KIFC3: variants seen among roughly 807,000 people sequenced by gnomAD.
KIFC3 encodes the protein kinesin family member C3.
KIFC3 carries 60 observed loss-of-function variants against 101.8 expected under a neutral mutation model. The ratio of observed to expected loss-of-function variants is 0.59; its 90% CI spans 0.48 to 0.73. The LOEUF is 0.73. Ranked by LOEUF, KIFC3 falls within the 30% of genes least tolerant of loss-of-function variation. KIFC3 has a pLI of 0.00. For synonymous variants in KIFC3, 476 were observed against 482.7 expected (o/e 0.99, Z 0.18); for missense variants, 966 against 1,137.1 (o/e 0.85, Z 2.16).
intron 3 of KIFC3, among the ~76,000 whole-genome samples, chr16:57,790,279 G>T (rs1353166534): frequency 6.8e-6 from 1 of 146,160 alleles, no homozygotes; most frequent in Admixed American, 6.8e-5. Flanking sequence ...ATGGGGTTTT[G>T]CCATGTTTCC....
At chr16:57,801,409 G>T (rs141894801) in intron 1 of KIFC3, among the ~76,000 whole-genome samples, 1 of 152,186 alleles carries the variant, frequency 6.6e-6, no homozygotes. Context: ...GCTCCCTGGT[G>T]CCCCTGTGAA....
At chr16:57,816,311 G>C (rs1204614211) in intron 1 of KIFC3, 2 of 1,205,962 alleles carry the variant, frequency 1.7e-6, no homozygotes, top group African/African-American at 3.1e-5. Flanking sequence ...AAGTGCGGTG[G>C]GATCTGTCTT....
At chr16:57,856,049 G>T (rs1033678663) in intron 1 of KIFC3, among the ~76,000 whole-genome samples, 2 of 151,690 alleles carry the variant, frequency 1.3e-5, no homozygotes, top group Non-Finnish European at 2.9e-5. Context: ...AAGGCTGGAC[G>T]CAGGGGGCTC....
intron 1 of KIFC3, chr16:57,798,665 A>C: frequency 3.6e-6 from 1 of 275,728 alleles, no homozygotes. Flanking sequence ...AAGACATCTA[A>C]TTTTCTAATT....
chr16:57,816,129 G>C (rs782193880), intron 1 of KIFC3: 26 of 1,139,758 alleles, frequency 2.3e-5, no homozygotes, highest in East Asian at 1.2e-4. Context: ...TGAACCATTT[G>C]ACCTGCTACC....
chr16:57,761,236 C>A, intron 14 of KIFC3, 65 bp from the exon 15 acceptor site: 1 of 1,600,464 alleles, frequency 6.2e-7, no homozygotes, highest in Non-Finnish European at 8.5e-7. Context: ...TCACCTGGCC[C>A]CAAGCACCCA....
chr16:57,791,579 G>A (rs1008086926), intron 3 of KIFC3, among the ~76,000 whole-genome samples: 5 of 152,162 alleles, frequency 3.3e-5, no homozygotes, highest in South Asian at 2.1e-4. Context: ...AGCACCTACC[G>A]CATAATGGAG....
upstream of KIFC3, among the ~76,000 whole-genome samples, chr16:57,806,824 C>T (rs2054948443): frequency 6.6e-6 from 1 of 152,142 alleles, no homozygotes; most frequent in Non-Finnish European, 1.5e-5. Flanking sequence ...TGGAGTGAGC[C>T]GCATATTAAG....
chr16:57,803,391 C>CG (rs782769537), upstream of KIFC3: 3 of 552,096 alleles, frequency 5.4e-6, no homozygotes, highest in Non-Finnish European at 1.0e-5. Context: ...TCCACACCCC[C>CG]GGGTGCGGAA....
At chr16:57,773,637 C>T (rs189575435) in intron 3 of KIFC3, among the ~76,000 whole-genome samples, 6 of 152,138 alleles carry the variant, frequency 3.9e-5, no homozygotes, top group Non-Finnish European at 5.9e-5. Context: ...GGTGACAGAG[C>T]GAGGCTGTCT....
chr16:57,796,139 C>T (rs2054302612), intron 2 of KIFC3, among the ~76,000 whole-genome samples: 2 of 152,078 alleles, frequency 1.3e-5, no homozygotes, highest in African/African-American at 2.4e-5. Flanking sequence ...GTGATCTGCC[C>T]GCCTTGGCCT....
intron 18 of KIFC3, chr16:57,759,409 G>A: frequency 1.7e-6 from 1 of 594,808 alleles, no homozygotes; most frequent in Non-Finnish European, 3.0e-6. Context: ...TGCTCTGGAG[G>A]GGGCTTACTG....
intron 12 of KIFC3, among the ~76,000 whole-genome samples, chr16:57,763,738 T>C (rs1189536993): frequency 6.6e-6 from 1 of 152,102 alleles, no homozygotes; most frequent in Non-Finnish European, 1.5e-5. Context: ...GGGATCTCCT[T>C]GAGGACTGAG....
At chr16:57,810,869 A>T in intron 1 of KIFC3, 1 of 199,480 alleles carries the variant, frequency 5.0e-6, no homozygotes, top group Non-Finnish European at 9.0e-6. Flanking sequence ...CTGTGGGAAG[A>T]TAGCTTGGAG....
At chr16:57,819,303 C>T (rs1184339165) in intron 1 of KIFC3, among the ~76,000 whole-genome samples, 1 of 152,082 alleles carries the variant, frequency 6.6e-6, no homozygotes, top group Non-Finnish European at 1.5e-5. Flanking sequence ...GACCCTGTCT[C>T]TACAAAAAAT....
At chr16:57,843,504 G>A (rs2055853190) in intron 1 of KIFC3, among the ~76,000 whole-genome samples, 1 of 152,114 alleles carries the variant, frequency 6.6e-6, no homozygotes, top group Non-Finnish European at 1.5e-5. Flanking sequence ...ATGCCCTGGT[G>A]CCCTGGCTGC....
At chr16:57,860,953 C>G (rs1035410669) in intron 1 of KIFC3, among the ~76,000 whole-genome samples, 1 of 152,092 alleles carries the variant, frequency 6.6e-6, no homozygotes, top group African/African-American at 2.4e-5. Context: ...CTGAAGAGAT[C>G]CATCCATCTC....
intron 1 of KIFC3, among the ~76,000 whole-genome samples, chr16:57,847,760 T>TTGTGTGTG (rs35081728): frequency 0.023 from 3,251 of 139,720 alleles, 48 homozygotes; most frequent in African/African-American, 0.031. Context: ...CCAGATGAAT[T>TTGTGTGTG]TGTGTGTGTG....
chr16:57,860,859 A>G (rs562473834), intron 1 of KIFC3, among the ~76,000 whole-genome samples: 38 of 152,136 alleles, frequency 2.5e-4, no homozygotes, highest in Admixed American at 1.2e-3. Flanking sequence ...CTAGAGGTAC[A>G]TACCACCACG....
Sources: gnomAD v4.1 joint callset for allele counts (sites outside exome capture counted in the v4.1 genomes callset) on GRCh38, gnomAD v4.1.1 for gene constraint, MANE v1.5 for transcripts, NCBI Gene and HGNC (gene_info 2026-07-23, HGNC 2026-07-21) for gene names.